The following FGF10 variants were observed in gnomAD, a reference collection of about 807,000 sequenced individuals.
The protein encoded by FGF10 is FGF-10.
Under a neutral mutation model 19.8 loss-of-function variants are expected in FGF10, and 2 were observed. That is an observed-to-expected ratio of 0.10 (90% CI 0.04 to 0.32). The LOEUF (loss-of-function observed/expected upper bound fraction) is 0.32, where lower values mean the gene tolerates loss of function less well. Ranked by LOEUF, FGF10 falls within the 10% of genes least tolerant of loss-of-function variation. FGF10 has a pLI of 1.00. For synonymous variants in FGF10, 112 were observed against 94.0 expected (o/e 1.19, Z -1.10); for missense variants, 191 against 246.3 (o/e 0.78, Z 1.50).
intron 1 of FGF10, among the ~76,000 whole-genome samples, chr5:44,382,628 C>T (rs1360363802): frequency 1.3e-5 from 2 of 152,062 alleles, no homozygotes; most frequent in African/African-American, 2.4e-5. Context: ...AAGTAATAAA[C>T]ACCCTTGGTC....
Position 44,380,757 on chromosome 5 carries a change from G to A in FGF10, c.325+7601C>T, listed in dbSNP as rs547607788. ...GCCCTTTGGGTGGCCGAGGCTGGAGGATTGCTTGAGCCCAGGAATTTGAGA... is the reference window on the plus strand; with the variant it reads ...GCCCTTTGGGTGGCCGAGGCTGGAGAATTGCTTGAGCCCAGGAATTTGAGA... On this transcript the variant is annotated intron_variant, in intron 1 of 2. Transcript: ENST00000264664. 1.4e-4 allele frequency among the ~76,000 whole-genome samples: 21 copies of A among 152,300 alleles called. No homozygotes were observed. In the South Asian group the frequency reaches 4.1e-3, roughly 30 times the overall value.
intron 1 of FGF10, among the ~76,000 whole-genome samples, chr5:44,367,788 C>A: frequency 6.6e-6 from 1 of 151,134 alleles, no homozygotes; most frequent in South Asian, 2.1e-4. Context: ...TAGTTAAGAC[C>A]ATTCACCCAG....
intron 1 of FGF10, among the ~76,000 whole-genome samples, chr5:44,337,464 G>T (rs926422902): frequency 6.6e-6 from 1 of 152,098 alleles, no homozygotes; most frequent in African/African-American, 2.4e-5. Context: ...ATTAAAAAGA[G>T]GAAACCATAC....
chr5:44,345,145 A>T (rs770939160), intron 1 of FGF10, among the ~76,000 whole-genome samples: 2 of 151,910 alleles, frequency 1.3e-5, no homozygotes, highest in Non-Finnish European at 1.5e-5. Context: ...ATCATAATGT[A>T]GGTATAATGA....
At chr5:44,314,831 G>T (rs1363816631) in intron 1 of FGF10, among the ~76,000 whole-genome samples, 1 of 152,086 alleles carries the variant, frequency 6.6e-6, no homozygotes, top group Non-Finnish European at 1.5e-5. Context: ...GAATGAAAAA[G>T]CTATTGGTCT....
At position 44,319,215 on chromosome 5, in the gene FGF10, G is replaced by C. The variant is rs547563236; in HGVS notation, c.326-8685C>G. Among the ~76,000 whole-genome samples, 7 of 152,058 alleles carry C rather than the reference G, an allele frequency of 4.6e-5. No homozygotes were observed. The East Asian group carries it at 1.4e-3, about 29-fold the overall frequency. On this transcript the variant is annotated intron_variant, in intron 1 of 2. Coordinates refer to ENST00000264664, the MANE Select transcript of FGF10 (RefSeq NM_004465.2). Reference sequence around the variant, plus strand: ...TTGGCCACTGCATTTTATTTATAAAGAGAGAAAAAAAATTAAGCCACATAA... The same window carrying C: ...TTGGCCACTGCATTTTATTTATAAACAGAGAAAAAAAATTAAGCCACATAA...
chr5:44,351,897 T>C (rs1303025614), intron 1 of FGF10, among the ~76,000 whole-genome samples: 1 of 151,650 alleles, frequency 6.6e-6, no homozygotes, highest in Non-Finnish European at 1.5e-5. Flanking sequence ...CTGATTTATA[T>C]CTTGATTTTT....
chr5:44,386,208 C>T (rs1579950018), intron 1 of FGF10, among the ~76,000 whole-genome samples: 1 of 152,002 alleles, frequency 6.6e-6, no homozygotes, highest in Non-Finnish European at 1.5e-5. Flanking sequence ...AATCATTTTA[C>T]TCTGCAGCTA....
chr5:44,310,643 G>A lies in FGF10; in HGVS notation c.326-113C>T, dbSNP rs558436601. ...TTTTGTGTGGTTCTAAAAACAAAAGGCACAAAACATTGGTAAACAAACAAG... is the reference window on the plus strand; with the variant it reads ...TTTTGTGTGGTTCTAAAAACAAAAGACACAAAACATTGGTAAACAAACAAG... On this transcript the variant is annotated intron_variant, in intron 1 of 2. Coordinates refer to ENST00000264664, the MANE Select transcript of FGF10 (RefSeq NM_004465.2). 8.0e-6 allele frequency: 6 copies of A among 750,088 alleles called. No individual in the cohort carries two copies. The Admixed American group carries it at 8.6e-5, about 11-fold the overall frequency. The allele number at this position is 750,088 out of a possible 1,614,324, so 46.5% of individuals were successfully genotyped here. A position where few individuals can be genotyped will look rare whatever the true frequency, so the allele number is the denominator to read the frequency against.
intron 1 of FGF10, among the ~76,000 whole-genome samples, chr5:44,331,724 T>C (rs1740739567): frequency 6.6e-6 from 1 of 152,102 alleles, no homozygotes; most frequent in South Asian, 2.1e-4. Context: ...TGATCCCATT[T>C]TGCATGCAAA....
chr5:44,388,030 C>A (rs1442085233), intron 1 of FGF10, among the ~76,000 whole-genome samples: 1 of 150,328 alleles, frequency 6.7e-6, no homozygotes, highest in Non-Finnish European at 1.5e-5. Flanking sequence ...GTGGGAAAGG[C>A]GGTGGAGAGA....
At chr5:44,353,316 GT>G (rs1189595432) in intron 1 of FGF10, among the ~76,000 whole-genome samples, 1 of 151,348 alleles carries the variant, frequency 6.6e-6, no homozygotes, top group East Asian at 2.0e-4. Context: ...GCTGTGCTTT[GT>G]TTTTTTGTTG....
chr5:44,355,285 A>AT (rs1233999639), intron 1 of FGF10, among the ~76,000 whole-genome samples: 2 of 151,310 alleles, frequency 1.3e-5, no homozygotes, highest in Admixed American at 1.3e-4. Flanking sequence ...AGTATTAAAA[A>AT]TGATCTTCAA....
chr5:44,385,264 A>G (rs962859679), intron 1 of FGF10, among the ~76,000 whole-genome samples: 1 of 152,050 alleles, frequency 6.6e-6, no homozygotes, highest in African/African-American at 2.4e-5. Flanking sequence ...ATAGCCCCCC[A>G]CCCTCAAAAA....
At chr5:44,349,442 ATATATATAT>A (rs1366329280) in intron 1 of FGF10, among the ~76,000 whole-genome samples, 1 of 11,638 alleles carries the variant, frequency 8.6e-5, no homozygotes, top group Non-Finnish European at 2.5e-4. Context: ...ATATATATAT[ATATATATAT>A]ATATATATAT....
chr5:44,381,256 A>G (rs1053409071), intron 1 of FGF10, among the ~76,000 whole-genome samples: 1 of 152,320 alleles, frequency 6.6e-6, no homozygotes, highest in South Asian at 2.1e-4. Context: ...TGCAGAATCG[A>G]AATGAGAAGA....
At chr5:44,349,927 G>C (rs1741195436) in intron 1 of FGF10, among the ~76,000 whole-genome samples, 1 of 151,074 alleles carries the variant, frequency 6.6e-6, no homozygotes, top group Non-Finnish European at 1.5e-5. Flanking sequence ...AATCATGTGA[G>C]TGTCTATTTT....
At chr5:44,316,423 C>T (rs908253081) in intron 1 of FGF10, among the ~76,000 whole-genome samples, 3 of 152,096 alleles carry the variant, frequency 2.0e-5, no homozygotes, top group Admixed American at 6.6e-5. Flanking sequence ...CAAATATGAA[C>T]GTGCATCAGA....
At chr5:44,384,117 G>C (rs1456273692) in intron 1 of FGF10, among the ~76,000 whole-genome samples, 2 of 152,006 alleles carry the variant, frequency 1.3e-5, no homozygotes, top group Non-Finnish European at 2.9e-5. Context: ...AGAAGTTTCT[G>C]CAACAGTCCA....
Sources: gnomAD v4.1 joint callset for allele counts (sites outside exome capture counted in the v4.1 genomes callset) on GRCh38, gnomAD v4.1.1 for gene constraint, MANE v1.5 for transcripts, NCBI Gene and HGNC (gene_info 2026-07-23, HGNC 2026-07-21) for gene names.